RARRES1: variants seen among roughly 807,000 people sequenced by gnomAD.
RARRES1 encodes retinoic acid receptor responder 1, also known as retinoic acid receptor responder protein 1.
A neutral mutation model predicts 30.6 loss-of-function variants in RARRES1; 34 were observed. The observed-to-expected ratio is 1.11, with a 90% confidence interval of 0.84 to 1.48. The LOEUF is 1.48. Among genes scored for constraint, RARRES1 ranks in the 40% most tolerant of loss-of-function variants. RARRES1 has a pLI of 0.00. For synonymous variants in RARRES1, 153 were observed against 155.5 expected (o/e 0.98, Z 0.12); for missense variants, 373 against 386.5 (o/e 0.97, Z 0.29).
chr3:158,728,757 C>G (rs943101522), intron 1 of RARRES1, among the ~76,000 whole-genome samples: 1 of 152,060 alleles, frequency 6.6e-6, no homozygotes, highest in East Asian at 1.9e-4. Flanking sequence ...CTCCTGACCT[C>G]AAGTGATCTG....
At chr3:158,704,999 A>G (rs1003532854) in intron 3 of RARRES1, 72 bp from the exon 4 acceptor site, 8 of 1,558,120 alleles carry the variant, frequency 5.1e-6, no homozygotes, top group Non-Finnish European at 6.0e-6. Context: ...TGCAGAAATG[A>G]AATAGGGTTT....
chr3:158,730,343 G>C (rs913222465), intron 1 of RARRES1, among the ~76,000 whole-genome samples: 31 of 129,400 alleles, frequency 2.4e-4, no homozygotes, highest in Non-Finnish European at 4.5e-4. Context: ...AAAAAACAAA[G>C]ACAGGTGACA....
Position 158,723,852 on chromosome 3 carries a change from G to A in RARRES1, c.276+8288C>T, listed in dbSNP as rs1191903000. Among the ~76,000 whole-genome samples the A allele has an allele frequency of 6.6e-6, 1 of 152,184 alleles. No homozygotes were observed. Among genetic ancestry groups the A allele is most frequent in the African/African-American group, 2.4e-5 (1 of 41,452 alleles). Reference sequence around the variant, plus strand: ...GGGCTGGGTCCTGGCCTGTCTCCCTGTTCCAGGTGCCTCAGTGATTTCAGC... The same window carrying A: ...GGGCTGGGTCCTGGCCTGTCTCCCTATTCCAGGTGCCTCAGTGATTTCAGC... On this transcript the variant is annotated intron_variant, in intron 1 of 5. Coordinates refer to ENST00000237696, the MANE Select transcript of RARRES1 (RefSeq NM_206963.2). The surrounding 1 kb of genome is among the most constrained non-coding windows in gnomAD (Gnocchi z 4.4).
At chr3:158,717,498 T>C (rs1174444178) in intron 1 of RARRES1, among the ~76,000 whole-genome samples, 1 of 152,096 alleles carries the variant, frequency 6.6e-6, no homozygotes, top group African/African-American at 2.4e-5. Context: ...GGCAAGGGCC[T>C]GAGGAGCAGC....
chr3:158,721,962 A>T (rs564562567), intron 1 of RARRES1, among the ~76,000 whole-genome samples: 1 of 151,956 alleles, frequency 6.6e-6, no homozygotes, highest in South Asian at 2.1e-4. Context: ...GTGGTGGCGC[A>T]CACCTGTAAT....
intron 3 of RARRES1, among the ~76,000 whole-genome samples, chr3:158,708,469 T>G (rs1311957653): frequency 6.6e-6 from 1 of 152,236 alleles, no homozygotes; most frequent in Admixed American, 6.5e-5. Context: ...CCTCTGTATG[T>G]AGTGTACTTG....
intron 1 of RARRES1, among the ~76,000 whole-genome samples, chr3:158,720,273 T>TGTGTGTGTGTGTGTGAGA (rs1160861397): frequency 6.9e-6 from 1 of 144,452 alleles, no homozygotes; most frequent in Non-Finnish European, 1.5e-5. Context: ...TGTATGTGTG[T>TGTGTGTGTGTGTGTGAGA]GAGAGAGAGA....
intron 4 of RARRES1, chr3:158,704,568 C>T (rs76381497): frequency 7.5e-6 from 4 of 532,710 alleles, no homozygotes; most frequent in African/African-American, 2.0e-5. Flanking sequence ...TCTTCTCTCA[C>T]TAGAATTAAT....
Position 158,704,794 on chromosome 3 carries a change from C to A in RARRES1, c.669G>T (p.Gln223His), listed in dbSNP as rs1421562916. ...YYLAQLTSVR[Q>H]WKTNDDTIDF... ...TTAATTTTCAGGTTTTTCTTACCCA[C>A]TGCCTCACACTAGTGAGCTGTGCCA... The change falls in exon 4 of 6, where the codon CAG becomes CAT. Residue 223 changes from glutamine (Q) to histidine (H), a missense_variant. By Grantham distance (24) the Gln-to-His change is conservative. Coordinates refer to ENST00000237696, the MANE Select transcript of RARRES1 (RefSeq NM_206963.2). The A allele has an allele frequency of 6.8e-6, 11 of 1,611,086 alleles. No homozygotes were observed. The highest frequency in any genetic ancestry group is 9.3e-6 in the Non-Finnish European group (11 of 1,179,064).
rs112888438 is a variant in RARRES1, at chr3:158,718,954, A to G, written c.277-5095T>C. Among the ~76,000 whole-genome samples the G allele has an allele frequency of 8.6e-3, 1,308 of 152,326 alleles. 18 individuals are homozygous for G. The highest frequency in any genetic ancestry group is 0.031 in the African/African-American group (1,272 of 41,572). ...CTGAGGAAAGAAGGATTCCTGTAAT[A>G]TAGATTACAGTGATTTCATTCCTTT... On this transcript the variant is annotated intron_variant, in intron 1 of 5. Coordinates refer to ENST00000237696, the MANE Select transcript of RARRES1 (RefSeq NM_206963.2).
chr3:158,720,268 G>GTGTGTGTGTA (rs1210592268), intron 1 of RARRES1, among the ~76,000 whole-genome samples: 22 of 143,418 alleles, frequency 1.5e-4, no homozygotes, highest in African/African-American at 5.2e-4. Flanking sequence ...GTGTGTGTAT[G>GTGTGTGTGTA]TGTGTGAGAG....
At chr3:158,725,601 GC>G (rs1727660237) in intron 1 of RARRES1, among the ~76,000 whole-genome samples, 1 of 152,138 alleles carries the variant, frequency 6.6e-6, no homozygotes, top group African/African-American at 2.4e-5. Flanking sequence ...CATGTGGAAA[GC>G]CAAGTGGAAA....
Position 158,704,850 on chromosome 3 carries a change from C to A in RARRES1, c.613G>T (p.Glu205Ter), listed in dbSNP as rs373645953. Residue 205 changes from glutamate (E) to a stop codon, truncating the protein, a stop_gained, in exon 4 of 6, where the codon GAA becomes TAA. Coordinates refer to ENST00000237696, the MANE Select transcript of RARRES1 (RefSeq NM_206963.2). LOFTEE classifies it high-confidence loss of function. ...TAGTGTGACACCTGTGTTGTCATTT[C>A]CCACATCACGTAAGAGCTTCCAAGG... is the stretch of plus-strand genomic sequence containing the variant. ...AFLGSSYVMW[E>*]MTTQVSHYYL... is the part of the protein sequence containing the mutation. 11 of 1,613,934 alleles carry A rather than the reference C, an allele frequency of 6.8e-6. No homozygotes were observed. The African/African-American group carries it at 1.2e-4, about 18-fold the overall frequency.
chr3:158,708,393 A>G (rs1726995055), intron 3 of RARRES1, among the ~76,000 whole-genome samples: 1 of 152,202 alleles, frequency 6.6e-6, no homozygotes, highest in Non-Finnish European at 1.5e-5. Flanking sequence ...AGTGCTGGCA[A>G]CAGTGCTATA....
intron 1 of RARRES1, among the ~76,000 whole-genome samples, chr3:158,725,899 G>C (rs1257983549): frequency 6.6e-6 from 1 of 152,156 alleles, no homozygotes; most frequent in Non-Finnish European, 1.5e-5. Flanking sequence ...CACAAACATT[G>C]CCTGGAAGGA....
chr3:158,703,785 G>A (rs941299427), intron 4 of RARRES1, among the ~76,000 whole-genome samples: 1 of 152,090 alleles, frequency 6.6e-6, no homozygotes, highest in Admixed American at 6.5e-5. Flanking sequence ...CCATGATCCA[G>A]TCCTTACATA....
chr3:158,732,193 C>A lies in RARRES1; in HGVS notation c.223G>T (p.Gly75Cys), dbSNP rs1354953640. ...AALHFFNFRS[G>C]SPSALRVLAE... ...AGCACTCGTAGCGCGCTGGGCGAGC[C>A]GGACCGGAAGTTGAAGAAGTGAAGC... Residue 75 changes from glycine (G) to cysteine (C), a missense_variant, in exon 1 of 6, where the codon GGC (glycine) becomes TGC (cysteine). Transcript: ENST00000237696. The A allele has an allele frequency of 6.3e-6, 9 of 1,422,482 alleles. No homozygotes were observed. In the African/African-American group the frequency reaches 1.3e-4, roughly 21 times the overall value. The allele number at this position is 1,422,482 out of a possible 1,614,324, so 88.1% of individuals were successfully genotyped here.
Position 158,732,424 on chromosome 3 carries a change from G to A in RARRES1, c.-9C>T. ...TGCCGGCGGGGCTGCATGGACGCAGGAAAGTTGGCTCGGCACCCGACAGAC... is the reference window on the plus strand; with the variant it reads ...TGCCGGCGGGGCTGCATGGACGCAGAAAAGTTGGCTCGGCACCCGACAGAC... On this transcript the variant is annotated 5_prime_UTR_variant, in exon 1 of 6. Transcript: ENST00000237696. The A allele has an allele frequency of 1.3e-6, 2 of 1,517,514 alleles. No individual in the cohort carries two copies. The highest frequency in any genetic ancestry group is 1.8e-6 in the Non-Finnish European group (2 of 1,137,858). 94.0% of individuals were successfully genotyped at this position (1,517,514 alleles called of 1,614,324 possible).
chr3:158,714,198 T>C (rs1385123891), intron 1 of RARRES1, among the ~76,000 whole-genome samples: 1 of 152,120 alleles, frequency 6.6e-6, no homozygotes, highest in Non-Finnish European at 1.5e-5. Flanking sequence ...CAGTGCCTGC[T>C]CCACGCCCTG....
Sources: allele counts gnomAD v4.1 joint callset (sites outside exome capture counted in the v4.1 genomes callset), GRCh38; gene constraint gnomAD v4.1.1; non-coding constraint Gnocchi (gnomAD v3.1); transcripts MANE v1.5; gene names NCBI Gene and HGNC (gene_info 2026-07-23, HGNC 2026-07-21).